The following IL1RAPL2 variants were observed in gnomAD, a reference collection of about 807,000 sequenced individuals.
IL1RAPL2 encodes the protein X-linked interleukin-1 receptor accessory protein-like 2.
A neutral mutation model predicts 44.1 loss-of-function variants in IL1RAPL2; 3 were observed. The ratio of observed to expected loss-of-function variants is 0.07; its 90% CI spans 0.03 to 0.18. The LOEUF (loss-of-function observed/expected upper bound fraction) is 0.18. Among genes scored for constraint, IL1RAPL2 ranks in the 10% least tolerant of loss-of-function variants. The probability of loss-of-function intolerance (pLI) is 1.00; values close to 1 mark genes in which losing one functional copy is unlikely to be tolerated. For missense variants in IL1RAPL2, 391 were observed against 496.4 expected, an observed-to-expected ratio of 0.79 and a Z score of 2.02; for synonymous variants, 181 against 178.8, an observed-to-expected ratio of 1.01 and a Z score of -0.10.
chrX:105,380,452 A>C (rs1056869847), intron 5 of IL1RAPL2, among the ~76,000 whole-genome samples: 1 of 110,755 alleles, frequency 9.0e-6, no homozygotes, highest in Non-Finnish European at 1.9e-5. Context: ...CCTGATTGAA[A>C]GGAGGATATG....
At chrX:105,464,917 C>T (rs185030512) in intron 5 of IL1RAPL2, among the ~76,000 whole-genome samples, 3 of 111,153 alleles carry the variant, frequency 2.7e-5, no homozygotes, top group East Asian at 5.7e-4. Flanking sequence ...ACCTAATGTG[C>T]ACATCTTTGG....
chrX:104,638,069 G>A (rs896091977), intron 1 of IL1RAPL2, among the ~76,000 whole-genome samples: 2 of 110,827 alleles, frequency 1.8e-5, no homozygotes, highest in Non-Finnish European at 3.8e-5. Flanking sequence ...CTCATTTTCT[G>A]TTTCTTCCTG....
intron 2 of IL1RAPL2, among the ~76,000 whole-genome samples, chrX:104,925,321 A>T (rs1924750101): frequency 9.1e-6 from 1 of 110,391 alleles, no homozygotes; most frequent in Admixed American, 9.7e-5. Context: ...ATTCCAAAAA[A>T]ATCGAGGAGG....
At chrX:105,043,796 G>C (rs928995135) in intron 2 of IL1RAPL2, among the ~76,000 whole-genome samples, 1 of 111,018 alleles carries the variant, frequency 9.0e-6, no homozygotes, top group African/African-American at 3.3e-5. Context: ...ATGAATATTT[G>C]CCTGGTCCAT....
At chrX:105,034,733 C>G (rs1008807148) in intron 2 of IL1RAPL2, among the ~76,000 whole-genome samples, 1 of 112,228 alleles carries the variant, frequency 8.9e-6, no homozygotes, top group African/African-American at 3.2e-5. Context: ...AGATCTCCAG[C>G]TGCATGCTGG....
chrX:105,136,116 G>T (rs750485855), intron 2 of IL1RAPL2, among the ~76,000 whole-genome samples: 34 of 111,874 alleles, frequency 3.0e-4, no homozygotes, highest in Non-Finnish European at 5.8e-4. Flanking sequence ...GTGACTTTGT[G>T]CATTATCGAA....
intron 2 of IL1RAPL2, among the ~76,000 whole-genome samples, chrX:104,770,773 G>A (rs1190645368): frequency 8.9e-6 from 1 of 111,944 alleles, no homozygotes; most frequent in Middle Eastern, 4.2e-3. Flanking sequence ...AGGTGTATAT[G>A]TGCAGGTTTG....
rs572961513 is a variant in IL1RAPL2, at chrX:105,538,801, C to T, written c.772+54414C>T. 3.6e-5 allele frequency among the ~76,000 whole-genome samples: 4 copies of T among 111,584 alleles called. No individual in the cohort carries two copies. In the East Asian group the frequency reaches 8.4e-4, roughly 24 times the overall value. ...TATTCCCAGAAAACCCTAAAGACTCCACCAAAAGACTTCTGGAACTGATAA... is the reference window on the plus strand; with the variant it reads ...TATTCCCAGAAAACCCTAAAGACTCTACCAAAAGACTTCTGGAACTGATAA... On this transcript the variant is annotated intron_variant, in intron 6 of 10. Transcript: ENST00000372582.
chrX:105,033,343 T>A (rs1196750077), intron 2 of IL1RAPL2, among the ~76,000 whole-genome samples: 3 of 111,897 alleles, frequency 2.7e-5, no homozygotes, highest in African/African-American at 9.8e-5. Flanking sequence ...TTTTGGCATG[T>A]TTTTGCAGTG....
At chrX:105,651,097 A>T (rs1329874896) in intron 6 of IL1RAPL2, among the ~76,000 whole-genome samples, 1 of 111,880 alleles carries the variant, frequency 8.9e-6, no homozygotes, top group African/African-American at 3.2e-5. Flanking sequence ...GGCATGAAAG[A>T]CAGCAAGGCT....
intron 6 of IL1RAPL2, among the ~76,000 whole-genome samples, chrX:105,698,309 A>G (rs921346451): frequency 9.0e-6 from 1 of 111,641 alleles, no homozygotes; most frequent in Non-Finnish European, 1.9e-5. Flanking sequence ...CAAACCTCCT[A>G]GAGTAGCTTT....
chrX:105,014,934 G>C (rs1409250968), intron 2 of IL1RAPL2, among the ~76,000 whole-genome samples: 2 of 112,132 alleles, frequency 1.8e-5, no homozygotes, highest in Non-Finnish European at 3.8e-5. Flanking sequence ...CCCACCAGTA[G>C]TGTAAAAGCC....
intron 2 of IL1RAPL2, among the ~76,000 whole-genome samples, chrX:105,008,727 G>A (rs917034380): frequency 9.0e-6 from 1 of 111,383 alleles, no homozygotes; most frequent in African/African-American, 3.3e-5. Context: ...AAAAGTAATG[G>A]CAACAAAAGC....
chrX:105,195,403 G>T, intron 2 of IL1RAPL2, 72 bp from the exon 3 acceptor site: 1 of 1,008,985 alleles, frequency 9.9e-7, no homozygotes, highest in Non-Finnish European at 1.4e-6. Flanking sequence ...ACATGTTGGT[G>T]ATGATTACTG....
chrX:105,415,199 T>C (rs929139598), intron 5 of IL1RAPL2, among the ~76,000 whole-genome samples: 1 of 112,230 alleles, frequency 8.9e-6, no homozygotes, highest in African/African-American at 3.2e-5. Context: ...AAGGAAGTTT[T>C]CTAAATTGTT....
At chrX:104,849,095 A>G (rs775927743) in intron 2 of IL1RAPL2, among the ~76,000 whole-genome samples, 2 of 109,216 alleles carry the variant, frequency 1.8e-5, no homozygotes, top group South Asian at 8.1e-4. Context: ...TAACTGAGTA[A>G]TTGTTTTGAG....
chrX:104,584,578 A>G (rs1223152166), intron 1 of IL1RAPL2, among the ~76,000 whole-genome samples: 1 of 111,044 alleles, frequency 9.0e-6, no homozygotes, highest in Non-Finnish European at 1.9e-5. Flanking sequence ...CAGACCCAGG[A>G]GGGAGATCTC....
intron 5 of IL1RAPL2, among the ~76,000 whole-genome samples, chrX:105,456,525 A>G (rs146438459): frequency 1.8e-5 from 2 of 111,590 alleles, no homozygotes; most frequent in Non-Finnish European, 3.8e-5. Context: ...AGTTTTTAAC[A>G]TGAAGAGGTG....
At chrX:105,678,386 C>T (rs962553398) in intron 6 of IL1RAPL2, among the ~76,000 whole-genome samples, 2 of 111,733 alleles carry the variant, frequency 1.8e-5, no homozygotes, top group Non-Finnish European at 3.8e-5. Context: ...TTTAAATGTA[C>T]AATAAATTAT....
Sources: allele counts gnomAD v4.1 joint callset (sites outside exome capture counted in the v4.1 genomes callset), GRCh38; gene constraint gnomAD v4.1.1; transcripts MANE v1.5; gene names NCBI Gene and HGNC (gene_info 2026-07-23, HGNC 2026-07-21).